KLHL32: variants seen among roughly 807,000 people sequenced by gnomAD.
KLHL32 encodes kelch like family member 32, also known as kelch-like protein 32.
Under a neutral mutation model 64.8 loss-of-function variants are expected in KLHL32, and 35 were observed. That is an observed-to-expected ratio of 0.54 (90% CI 0.41 to 0.72). The LOEUF is 0.72. KLHL32 is among the 30% of genes least tolerant of loss of function. The probability of loss-of-function intolerance (pLI) is 0.00; values close to 1 mark genes in which losing one functional copy is unlikely to be tolerated. For synonymous variants in KLHL32, 259 were observed against 281.0 expected (o/e 0.92, Z 0.78); for missense variants, 589 against 768.5 (o/e 0.77, Z 2.76).
Position 97,097,131 on chromosome 6 carries a change from G to A in KLHL32, c.627+11790G>A, listed in dbSNP as rs77645773. On this transcript the variant is annotated intron_variant, in intron 6 of 10. Transcript: ENST00000369261. ...CTCATAAGGGAGGGAAAAAAACCACGCAAATTTAAGAGTAATTTCAGATTG... is the reference window on the plus strand; with the variant it reads ...CTCATAAGGGAGGGAAAAAAACCACACAAATTTAAGAGTAATTTCAGATTG... 8.2e-3 allele frequency among the ~76,000 whole-genome samples: 1,242 copies of A among 152,204 alleles called. 19 individuals carry two copies. The highest frequency in any genetic ancestry group is 0.028 in the African/African-American group (1,159 of 41,528).
At chr6:97,134,270 A>G (rs963876944) in intron 10 of KLHL32, among the ~76,000 whole-genome samples, 1 of 152,178 alleles carries the variant, frequency 6.6e-6, no homozygotes, top group African/African-American at 2.4e-5. Context: ...GAATTATCAA[A>G]GCCACACACA....
chr6:96,925,794 C>T (rs375109580), intron 1 of KLHL32, among the ~76,000 whole-genome samples: 5 of 152,220 alleles, frequency 3.3e-5, no homozygotes, highest in African/African-American at 1.2e-4. Flanking sequence ...AGTATTGAAG[C>T]GCAGTTTTTT....
intron 1 of KLHL32, among the ~76,000 whole-genome samples, chr6:96,941,929 T>C (rs1490194728): frequency 6.6e-6 from 1 of 152,198 alleles, no homozygotes. Context: ...AAATAAATGG[T>C]CCAGATCCTT....
intron 3 of KLHL32, among the ~76,000 whole-genome samples, chr6:96,993,561 G>A (rs779550546): frequency 2.2e-4 from 34 of 152,224 alleles, no homozygotes; most frequent in Middle Eastern, 3.4e-3. Flanking sequence ...ATTTTAAGAG[G>A]GTGTACAAAA....
At chr6:96,993,162 C>G (rs1778075501) in intron 3 of KLHL32, among the ~76,000 whole-genome samples, 1 of 152,236 alleles carries the variant, frequency 6.6e-6, no homozygotes, top group African/African-American at 2.4e-5. Flanking sequence ...TTTCCTTATA[C>G]TCAGTATTTT....
At chr6:96,962,858 T>G (rs570556455) in intron 1 of KLHL32, among the ~76,000 whole-genome samples, 6 of 150,682 alleles carry the variant, frequency 4.0e-5, no homozygotes, top group Non-Finnish European at 8.8e-5. Flanking sequence ...ACAGCTTCAT[T>G]TTGTAAAATG....
At chr6:97,077,633 G>A (rs559976406) in intron 5 of KLHL32, among the ~76,000 whole-genome samples, 9 of 152,288 alleles carry the variant, frequency 5.9e-5, no homozygotes, top group Admixed American at 5.2e-4. Flanking sequence ...CATCGCAAGG[G>A]ACTTTCTGAA....
chr6:96,941,159 TA>T (rs796219186), intron 1 of KLHL32, among the ~76,000 whole-genome samples: 54 of 152,342 alleles, frequency 3.5e-4, no homozygotes, highest in African/African-American at 1.3e-3. Context: ...GTTGAAATTT[TA>T]AAAAATAAAT....
the KLHL32 span, among the ~76,000 whole-genome samples, chr6:96,917,563 A>G: frequency 6.6e-6 from 1 of 152,134 alleles, no homozygotes; most frequent in Non-Finnish European, 1.5e-5. Context: ...AATACCTCAA[A>G]TGATCATTAC....
chr6:97,058,826 G>A (rs959597210), intron 4 of KLHL32, among the ~76,000 whole-genome samples: 2 of 150,066 alleles, frequency 1.3e-5, no homozygotes, highest in African/African-American at 4.9e-5. Flanking sequence ...CAAGGAGGCT[G>A]GTTGCCACTC....
At chr6:96,945,806 C>T (rs1025851876) in intron 1 of KLHL32, among the ~76,000 whole-genome samples, 3 of 151,878 alleles carry the variant, frequency 2.0e-5, no homozygotes, top group Non-Finnish European at 2.9e-5. Flanking sequence ...GAACCTGGGC[C>T]CCGTTGGTGT....
intron 3 of KLHL32, among the ~76,000 whole-genome samples, chr6:96,990,416 A>ATGGTAAGTT (rs1402556766): frequency 6.6e-6 from 1 of 152,116 alleles, no homozygotes; most frequent in Admixed American, 6.5e-5. Flanking sequence ...CTTAAGTATA[A>ATGGTAAGTT]TGGTAAGTTC....
intron 3 of KLHL32, chr6:97,010,386 T>C (rs961680671): frequency 2.0e-5 from 3 of 152,194 alleles, no homozygotes; most frequent in Non-Finnish European, 4.4e-5. Flanking sequence ...CCCCAGATCA[T>C]AGCTGAATAC....
At chr6:96,990,677 A>G (rs1179515862) in intron 3 of KLHL32, among the ~76,000 whole-genome samples, 1 of 151,922 alleles carries the variant, frequency 6.6e-6, no homozygotes, top group Non-Finnish European at 1.5e-5. Context: ...TTGGGGCTCC[A>G]GCCCAGAGAA....
intron 4 of KLHL32, among the ~76,000 whole-genome samples, chr6:97,058,636 C>T (rs1172179509): frequency 6.6e-6 from 1 of 152,212 alleles, no homozygotes; most frequent in Non-Finnish European, 1.5e-5. Context: ...GTCTCTGTAA[C>T]AGTGTTTGTA....
chr6:97,085,110 AT>A lies in KLHL32; in HGVS notation c.412-10del, dbSNP rs1562319615. On this transcript the variant is annotated splice_polypyrimidine_tract_variant and intron_variant, in intron 5 of 10. Transcript: ENST00000369261. ...TTCTAAGAGATCTTTTTTCATTTTT[AT>A]TTTTTGGCACCCAGGAATTAAATAG... 6.3e-7 allele frequency: 1 copy of A among 1,591,740 alleles called. No individual in the cohort carries two copies. Among genetic ancestry groups the A allele is most frequent in the South Asian group, 1.1e-5 (1 of 88,478 alleles).
intron 1 of KLHL32, among the ~76,000 whole-genome samples, chr6:96,959,044 AAAGC>A (rs1773595774): frequency 6.6e-6 from 1 of 152,166 alleles, no homozygotes; most frequent in African/African-American, 2.4e-5. Context: ...CTGGGTGTTG[AAAGC>A]AACTTCCCAG....
At chr6:96,935,331 G>A (rs1770451347) in intron 1 of KLHL32, among the ~76,000 whole-genome samples, 1 of 152,060 alleles carries the variant, frequency 6.6e-6, no homozygotes, top group Non-Finnish European at 1.5e-5. Flanking sequence ...ATAATATTTT[G>A]ACTTGAAGAA....
At chr6:97,073,007 A>G (rs986707580) in intron 5 of KLHL32, among the ~76,000 whole-genome samples, 9 of 152,226 alleles carry the variant, frequency 5.9e-5, no homozygotes, top group South Asian at 2.1e-4. Flanking sequence ...TGAAGGATTC[A>G]ATGAGATAGT....
Sources: gnomAD v4.1 joint callset for allele counts (sites outside exome capture counted in the v4.1 genomes callset) on GRCh38, gnomAD v4.1.1 for gene constraint, MANE v1.5 for transcripts, NCBI Gene and HGNC (gene_info 2026-07-23, HGNC 2026-07-21) for gene names.